DNAH3: variants seen among roughly 807,000 people sequenced by gnomAD.
DNAH3 encodes the protein axonemal beta dynein heavy chain 3.
DNAH3 carries 332 observed loss-of-function variants against 432.5 expected under a neutral mutation model. The observed-to-expected ratio is 0.77, with a 90% CI of 0.70 to 0.84. The LOEUF (loss-of-function observed/expected upper bound fraction) is 0.84. Among genes scored for constraint, DNAH3 ranks in the 40% least tolerant of loss-of-function variants. The probability of loss-of-function intolerance (pLI) is 0.00; values close to 1 mark genes in which losing one functional copy is unlikely to be tolerated. For synonymous variants in DNAH3, 1,956 were observed against 1,900.2 expected (o/e 1.03, Z -0.76); for missense variants, 4,861 against 5,114.0 (o/e 0.95, Z 1.51).
chr16:21,070,269 CATTA>C (rs1240757327), intron 22 of DNAH3, among the ~76,000 whole-genome samples: 1 of 152,140 alleles, frequency 6.6e-6, no homozygotes, highest in African/African-American at 2.4e-5. Flanking sequence ...AGCCTTGTGT[CATTA>C]ATTAATTAAT....
chr16:20,935,663 C>G (rs2083559757), intron 60 of DNAH3, among the ~76,000 whole-genome samples, 178 bp from the exon 61 acceptor site: 1 of 151,938 alleles, frequency 6.6e-6, no homozygotes, highest in East Asian at 1.9e-4. Flanking sequence ...AATATATTTA[C>G]ACTTTAAGAA....
At chr16:20,965,914 T>C (rs146802940) in intron 52 of DNAH3, among the ~76,000 whole-genome samples, 4,956 of 151,280 alleles carry the variant, frequency 0.033, 94 homozygotes, top group Middle Eastern at 0.066. Context: ...GGTTTTACCA[T>C]GTTGACCAGG....
At chr16:20,946,711 C>T (rs911062307) in intron 57 of DNAH3, among the ~76,000 whole-genome samples, 1 of 151,690 alleles carries the variant, frequency 6.6e-6, no homozygotes, top group African/African-American at 2.4e-5. Context: ...TGTGTTAGGC[C>T]TTAGGGGCAG....
exon 53 of DNAH3, chr16:20,963,878 T>C (rs1349795017): frequency 6.2e-7 from 1 of 1,614,030 alleles, no homozygotes. Flanking sequence ...CTCTTCGTGC[T>C]GTGGGTCAAG....
chr16:21,125,080 G>T (rs1031723213), intron 9 of DNAH3, 95 bp downstream of exon 10: 2 of 998,090 alleles, frequency 2.0e-6, no homozygotes, highest in Non-Finnish European at 1.4e-6. Flanking sequence ...TTGTGCCCTG[G>T]CTCACAGCTG....
At chr16:21,121,161 T>C in intron 10 of DNAH3, 2 of 470,036 alleles carry the variant, frequency 4.3e-6, no homozygotes, top group Admixed American at 2.6e-5. Context: ...CACAGATCCC[T>C]TCCCTATATG....
At chr16:21,070,641 C>A in intron 22 of DNAH3, 69 bp downstream of exon 22, 1 of 960,092 alleles carries the variant, frequency 1.0e-6, no homozygotes, top group South Asian at 1.4e-5. Flanking sequence ...ACGTGAAAAC[C>A]TTTCCCCTCC....
At chr16:21,017,222 A>G (rs1044819709) in intron 41 of DNAH3, among the ~76,000 whole-genome samples, 11 of 152,198 alleles carry the variant, frequency 7.2e-5, no homozygotes, top group African/African-American at 2.4e-4. Context: ...CAAAAACTCA[A>G]TGAATGCATG....
rs571894144 is a variant in DNAH3 at position 20,955,366 on chromosome 16, G to A, written c.10827-309C>T. ...CCTCTTTTACCAGTGAGGAAGCGGA[G>A]GCATGGCAAGGTCAGGTGGGTTTTT... On this transcript the variant is annotated intron_variant, in intron 54 of 61. Coordinates refer to ENST00000261383, the Ensembl canonical transcript of DNAH3. Among the ~76,000 whole-genome samples, 4 of 152,074 alleles carry A rather than the reference G, an allele frequency of 2.6e-5. No homozygotes were observed. The South Asian group carries it at 8.3e-4, about 32-fold the overall frequency.
At chr16:21,137,037 G>C (rs555858387) in intron 5 of DNAH3, among the ~76,000 whole-genome samples, 4 of 152,172 alleles carry the variant, frequency 2.6e-5, no homozygotes, top group South Asian at 4.2e-4. Context: ...AGGAGGCTGA[G>C]GCAGGAAAAT....
intron 41 of DNAH3, among the ~76,000 whole-genome samples, chr16:21,005,389 T>A (rs545180083): frequency 6.6e-6 from 1 of 151,656 alleles, no homozygotes; most frequent in South Asian, 2.1e-4. Flanking sequence ...TCTTTTTTCT[T>A]TCTTTTTTGA....
Position 20,935,438 on chromosome 16 carries a change from GA to G in DNAH3, c.11906del (p.Phe3969SerfsTer8), listed in dbSNP as rs2083552418. On this transcript the variant is annotated frameshift_variant, in exon 61 of 62. Transcript: ENST00000261383. LOFTEE classifies it high-confidence loss of function. ...CAGTCAAAAAAGACTGTGTGAAGTA[GA>G]ATCCAGAGATCCAAAATACCACAGG... The G allele has an allele frequency of 6.2e-7, 1 of 1,612,068 alleles. No individual in the cohort carries two copies. The highest frequency in any genetic ancestry group is 8.5e-7 in the Non-Finnish European group (1 of 1,179,602).
intron 41 of DNAH3, among the ~76,000 whole-genome samples, chr16:21,003,583 G>A (rs1445555483): frequency 1.3e-5 from 2 of 151,950 alleles, no homozygotes; most frequent in East Asian, 1.9e-4. Context: ...GACCAGCCTC[G>A]CCAACAGGGT....
At chr16:21,141,425 T>C in intron 3 of DNAH3, 53 bp from the exon 5 acceptor site, 1 of 1,347,304 alleles carries the variant, frequency 7.4e-7, no homozygotes, top group Non-Finnish European at 1.0e-6. Flanking sequence ...CTTGGGCCAT[T>C]CTCCGTCCAC....
chr16:21,055,567 G>A (rs1480867266), intron 27 of DNAH3, among the ~76,000 whole-genome samples: 1 of 151,776 alleles, frequency 6.6e-6, no homozygotes, highest in Non-Finnish European at 1.5e-5. Flanking sequence ...TTATTTATAA[G>A]TTTCATGTTA....
chr16:21,039,214 C>CTTTTT (rs200708542), intron 33 of DNAH3, among the ~76,000 whole-genome samples: 2,218 of 125,154 alleles, frequency 0.018, 190 homozygotes, highest in African/African-American at 0.062. Flanking sequence ...TATAGTGTTG[C>CTTTTT]TTTTTTTTTT....
chr16:20,941,800 G>T (rs563669642), intron 58 of DNAH3, among the ~76,000 whole-genome samples: 1 of 152,292 alleles, frequency 6.6e-6, no homozygotes, highest in South Asian at 2.1e-4. Context: ...GCTCACGCCT[G>T]TAATCCCAGC....
chr16:21,111,755 ATG>A lies in DNAH3; in HGVS notation c.1968_1969del (p.Ile657HisfsTer10), dbSNP rs1247244775. On this transcript the variant is annotated frameshift_variant, in exon 14 of 62. Coordinates refer to ENST00000261383, the Ensembl canonical transcript of DNAH3. LOFTEE classifies it high-confidence loss of function. ...GCAGAACATGGCTAAAGGCACGGTG[ATG>A]TTCATGGATGCAATTTCATTTCTCC... 1 of 1,613,856 alleles carries A rather than the reference ATG, an allele frequency of 6.2e-7. No individual in the cohort carries two copies. Among genetic ancestry groups the A allele is most frequent in the Non-Finnish European group, 8.5e-7 (1 of 1,179,926 alleles).
chr16:20,979,186 G>A, intron 50 of DNAH3, 144 bp downstream of exon 50: 1 of 677,474 alleles, frequency 1.5e-6, no homozygotes, highest in Non-Finnish European at 2.6e-6. Context: ...GGATTACAGT[G>A]ATGTAGGTAA....
Sources: gnomAD v4.1 joint callset for allele counts (sites outside exome capture counted in the v4.1 genomes callset) on GRCh38, gnomAD v4.1.1 for gene constraint, MANE v1.5 for transcripts, NCBI Gene and HGNC (gene_info 2026-07-23, HGNC 2026-07-21) for gene names.